Variants in KANK1 observed in about 807,000 individuals in gnomAD.
The protein encoded by KANK1 is KN motif and ankyrin repeat domains 1, also known as KN motif and ankyrin repeat domain-containing protein 1.
A neutral mutation model predicts 106.2 loss-of-function variants in KANK1; 109 were observed. That is an observed-to-expected ratio of 1.03 (90% CI 0.88 to 1.20). KANK1 has a LOEUF of 1.20. KANK1 is among the 50% of genes most tolerant of loss of function. The probability of loss-of-function intolerance (pLI) is 0.00; values close to 1 mark genes in which losing one functional copy is unlikely to be tolerated. For synonymous variants in KANK1, 873 were observed against 652.2 expected (o/e 1.34, Z -5.16); for missense variants, 2,399 against 1,710.7 (o/e 1.40, Z -7.10).
At chr9:690,588 G>T (rs1203318586) in intron 2 of KANK1, among the ~76,000 whole-genome samples, 1 of 152,032 alleles carries the variant, frequency 6.6e-6, no homozygotes, top group Admixed American at 6.6e-5. Context: ...TGAGGGCAGG[G>T]AACATTGGGG....
chr9:547,161 T>C (rs985120260), intron 1 of KANK1, among the ~76,000 whole-genome samples: 1 of 152,220 alleles, frequency 6.6e-6, no homozygotes, highest in Non-Finnish European at 1.5e-5. Context: ...CCCTTAGACA[T>C]GCTGGCTGCT....
intron 1 of KANK1, among the ~76,000 whole-genome samples, chr9:542,860 G>C (rs116236256): frequency 0.042 from 6,407 of 152,224 alleles, 140 homozygotes; most frequent in Non-Finnish European, 0.055. Flanking sequence ...CACAGAAGCT[G>C]AGAGCGGAGT....
intron 1 of KANK1, among the ~76,000 whole-genome samples, chr9:529,004 T>G (rs537072211): frequency 1.9e-4 from 29 of 151,846 alleles, no homozygotes; most frequent in Admixed American, 1.9e-3. Flanking sequence ...TCACTATGTT[T>G]CCCAGGCTGG....
At chr9:496,086 G>T (rs2058455933) in intron 3 of KANK1, among the ~76,000 whole-genome samples, 1 of 152,118 alleles carries the variant, frequency 6.6e-6, no homozygotes, top group Non-Finnish European at 1.5e-5. Flanking sequence ...CTACCACTTG[G>T]CACTGTGGCT....
intron 3 of KANK1, among the ~76,000 whole-genome samples, chr9:495,063 AGAATTCT>A (rs1414521543): frequency 6.6e-6 from 1 of 152,252 alleles, no homozygotes; most frequent in South Asian, 2.1e-4. Flanking sequence ...ATAACTTTCT[AGAATTCT>A]GTGTGTTTCC....
chr9:483,578 A>G (rs2058244049), intron 3 of KANK1, among the ~76,000 whole-genome samples: 2 of 152,220 alleles, frequency 1.3e-5, no homozygotes, highest in African/African-American at 2.4e-5. Context: ...TATAGCACTG[A>G]TGCAAGGGTT....
chr9:619,599 TGATAAA>T (rs1206760256), intron 1 of KANK1, among the ~76,000 whole-genome samples: 1 of 152,102 alleles, frequency 6.6e-6, no homozygotes, highest in South Asian at 2.1e-4. Flanking sequence ...ATCTAGTGAG[TGATAAA>T]GATAAGTGAT....
chr9:742,333 C>T lies in KANK1; in HGVS notation c.3825C>T (p.Ser1275=), dbSNP rs140326298. Residue 1275 remains serine (S), a synonymous_variant, in exon 10 of 12, where the codon AGC becomes AGT. Coordinates refer to ENST00000382297, the MANE Select transcript of KANK1 (RefSeq NM_015158.5). ...GCTCCACGGCCCTCATGTGTGCCAG[C>T]GAGCACGGACACGTGGAGATTGTCA... is the stretch of plus-strand genomic sequence containing the variant. ...DEGSTALMCA[S]EHGHVEIVKL... is the part of the protein sequence containing the mutation. 2.7e-4 allele frequency: 436 copies of T among 1,614,072 alleles called. 6 individuals are homozygous for T. In the East Asian group the frequency reaches 3.3e-3, roughly 12 times the overall value.
intron 1 of KANK1, among the ~76,000 whole-genome samples, chr9:633,538 A>G (rs779537753): frequency 6.6e-5 from 10 of 152,208 alleles, no homozygotes; most frequent in Admixed American, 1.3e-4. Flanking sequence ...CCTTCTCCCA[A>G]GACTCTTAAT....
At chr9:635,226 C>G (rs1402370420) in intron 1 of KANK1, among the ~76,000 whole-genome samples, 1 of 152,246 alleles carries the variant, frequency 6.6e-6, no homozygotes, top group African/African-American at 2.4e-5. Flanking sequence ...GCCTGCCTAC[C>G]ACCAAACCTG....
chr9:577,737 G>A (rs1820960609), intron 1 of KANK1, among the ~76,000 whole-genome samples: 1 of 152,062 alleles, frequency 6.6e-6, no homozygotes, highest in Admixed American at 6.5e-5. Flanking sequence ...CTGAGGGTAG[G>A]GCCCAGGAAT....
At chr9:548,515 A>C (rs2061073038) in intron 1 of KANK1, among the ~76,000 whole-genome samples, 1 of 152,182 alleles carries the variant, frequency 6.6e-6, no homozygotes, top group African/African-American at 2.4e-5. Flanking sequence ...GTTTCTCAAG[A>C]ATGTTTAAGA....
At chr9:736,575 C>T (rs1429943935) in intron 7 of KANK1, among the ~76,000 whole-genome samples, 1 of 152,002 alleles carries the variant, frequency 6.6e-6, no homozygotes, top group Non-Finnish European at 1.5e-5. Context: ...GGCATGTACC[C>T]ATGGTCCTAG....
chr9:656,313 C>A lies in KANK1; in HGVS notation c.-83-20577C>A, dbSNP rs182990316. ...CGCGTGAGGAGGAAAGAGTTTAAGT[C>A]CCGTCTGTGGAATCTGTTTCCCCTG... On this transcript the variant is annotated intron_variant, in intron 1 of 11. Transcript: ENST00000382297. Among the ~76,000 whole-genome samples the A allele has an allele frequency of 6.1e-4, 93 of 152,256 alleles. 1 individual carries two copies. Among genetic ancestry groups the A allele is most frequent in the African/African-American group, 2.2e-3 (90 of 41,532 alleles).
chr9:625,514 G>A (rs1455877246), intron 1 of KANK1, among the ~76,000 whole-genome samples: 1 of 151,932 alleles, frequency 6.6e-6, no homozygotes, highest in Non-Finnish European at 1.5e-5. Flanking sequence ...CTTCTGGGTT[G>A]GGCCTTCTCA....
chr9:693,166 G>C (rs939284407), intron 2 of KANK1, among the ~76,000 whole-genome samples: 6 of 152,166 alleles, frequency 3.9e-5, no homozygotes, highest in Non-Finnish European at 7.3e-5. Context: ...TTGGGCCTAT[G>C]GTTTACGAAT....
chr9:505,934 C>CT (rs1296688561), intron 1 of KANK1, among the ~76,000 whole-genome samples: 2 of 152,146 alleles, frequency 1.3e-5, no homozygotes, highest in Non-Finnish European at 2.9e-5. Flanking sequence ...GCGTTAACAG[C>CT]TAAGTAGCTG....
intron 2 of KANK1, 144 bp downstream of exon 2, chr9:677,153 G>T: frequency 2.8e-6 from 2 of 721,002 alleles, no homozygotes; most frequent in East Asian, 2.9e-5. Context: ...TGAAGTTTGG[G>T]TTTGTTTTGT....
chr9:561,305 C>A (rs563915587), intron 1 of KANK1, among the ~76,000 whole-genome samples: 1 of 152,272 alleles, frequency 6.6e-6, no homozygotes, highest in African/African-American at 2.4e-5. Context: ...ATTTAGTAAT[C>A]ACTTTTTTCA....
Sources: gnomAD v4.1 joint callset for allele counts (sites outside exome capture counted in the v4.1 genomes callset) on GRCh38, gnomAD v4.1.1 for gene constraint, MANE v1.5 for transcripts, NCBI Gene and HGNC (gene_info 2026-07-23, HGNC 2026-07-21) for gene names.